The following TDRD5 variants were observed in gnomAD, a reference collection of about 807,000 sequenced individuals.
TDRD5 encodes the protein tudor domain containing 5.
A neutral mutation model predicts 120.6 loss-of-function variants in TDRD5; 41 were observed. That is an observed-to-expected ratio of 0.34 (90% CI 0.26 to 0.44). The LOEUF (loss-of-function observed/expected upper bound fraction) is 0.44. Ranked by LOEUF, TDRD5 falls within the 20% of genes least tolerant of loss-of-function variation. TDRD5 has a pLI of 1.00. For synonymous variants in TDRD5, 430 were observed against 433.7 expected (o/e 0.99, Z 0.11); for missense variants, 1,006 against 1,221.2 (o/e 0.82, Z 2.63).
At chr1:179,657,983 CTT>C (rs944784843) in intron 14 of TDRD5, among the ~76,000 whole-genome samples, 6 of 152,086 alleles carry the variant, frequency 3.9e-5, no homozygotes, top group African/African-American at 1.2e-4. Context: ...ATTTTGTGTC[CTT>C]TGACCAACAT....
chr1:179,592,823 G>A lies in TDRD5; in HGVS notation c.208G>A (p.Ala70Thr). ...TGATGTTGTTCGTGTCTGCCCCGGTGCAGGTGGTACTGTAATACTGAAAGG... is the reference window on the plus strand; with the variant it reads ...TGATGTTGTTCGTGTCTGCCCCGGTACAGGTGGTACTGTAATACTGAAAGG... ...MPDVVRVCPG[A>T]GGTVILKAIP... The change falls in exon 2 of 18, where the codon GCA (alanine) becomes ACA (threonine). Residue 70 changes from alanine to threonine, a missense_variant. This residue lies in a region of TDRD5 where 445 missense variants were observed against 515.5 expected (regional missense o/e 0.86). Transcript: ENST00000444136. 1 of 1,614,188 alleles carries A rather than the reference G, an allele frequency of 6.2e-7. No individual in the cohort carries two copies. Among genetic ancestry groups the A allele is most frequent in the Non-Finnish European group, 8.5e-7 (1 of 1,180,032 alleles).
intron 15 of TDRD5, 100 bp from the exon 16 acceptor site, chr1:179,663,248 A>T (rs1679401168): frequency 7.4e-7 from 1 of 1,351,738 alleles, no homozygotes; most frequent in African/African-American, 1.5e-5. Flanking sequence ...CTTTTTTAAA[A>T]ATATGTATTG....
At chr1:179,663,238 C>A (rs757230595) in intron 15 of TDRD5, 110 bp from the exon 16 acceptor site, 5 of 1,280,714 alleles carry the variant, frequency 3.9e-6, no homozygotes, top group East Asian at 4.9e-5. Flanking sequence ...TAATAAATAC[C>A]TTTTTTAAAA....
rs370334679 is a variant in TDRD5, at chr1:179,629,865, C to T, written c.973-902C>T. On this transcript the variant is annotated intron_variant, in intron 6 of 17. Coordinates refer to ENST00000444136, the MANE Select transcript of TDRD5 (RefSeq NM_001199085.3). ...AGGAATGTATTTTATGTGTCTATCC[C>T]ATATATATTGTCTTCTGTCTTCATT... Among the ~76,000 whole-genome samples the T allele has an allele frequency of 3.3e-5, 5 of 152,028 alleles. No individual in the cohort carries two copies. In the East Asian group the frequency reaches 5.8e-4, roughly 18 times the overall value.
chr1:179,675,393 C>G (rs1363020799), intron 17 of TDRD5, among the ~76,000 whole-genome samples: 1 of 146,426 alleles, frequency 6.8e-6, no homozygotes. Context: ...CATTCTCCTG[C>G]CTCAGCCTCC....
chr1:179,614,441 C>A (rs1410701721), intron 4 of TDRD5, among the ~76,000 whole-genome samples: 2 of 152,092 alleles, frequency 1.3e-5, no homozygotes, highest in East Asian at 3.8e-4. Flanking sequence ...TTAAAAATAA[C>A]CTTATGATGA....
chr1:179,605,070 T>C (rs957093697), intron 4 of TDRD5, among the ~76,000 whole-genome samples: 1 of 152,188 alleles, frequency 6.6e-6, no homozygotes, highest in African/African-American at 2.4e-5. Context: ...TAGGTGCATA[T>C]ATGTTTAGGA....
At chr1:179,685,378 C>G (rs1019626070) in intron 17 of TDRD5, among the ~76,000 whole-genome samples, 1 of 152,058 alleles carries the variant, frequency 6.6e-6, no homozygotes, top group African/African-American at 2.4e-5. Flanking sequence ...ATTTCTGAGG[C>G]CTCTGTTCTG....
chr1:179,608,084 C>T (rs1352124241), intron 4 of TDRD5, among the ~76,000 whole-genome samples: 3 of 151,830 alleles, frequency 2.0e-5, no homozygotes, highest in African/African-American at 7.3e-5. Flanking sequence ...ATAGTTTTTG[C>T]CCCCTTTTAG....
chr1:179,640,191 A>T, intron 10 of TDRD5, 140 bp downstream of exon 10: 2 of 1,091,198 alleles, frequency 1.8e-6, no homozygotes, highest in Non-Finnish European at 2.7e-6. Context: ...ATATTTGACA[A>T]CTGGGTCATT....
intron 17 of TDRD5, among the ~76,000 whole-genome samples, chr1:179,672,056 A>G (rs1311372446): frequency 6.7e-6 from 1 of 150,112 alleles, no homozygotes; most frequent in Non-Finnish European, 1.5e-5. Context: ...TGTTTTTACC[A>G]TTACAAATTG....
At chr1:179,659,300 T>A (rs145555487) in intron 14 of TDRD5, among the ~76,000 whole-genome samples, 14 of 152,200 alleles carry the variant, frequency 9.2e-5, no homozygotes, top group African/African-American at 2.9e-4. Context: ...ATCTACCGAT[T>A]TTGTTGATTA....
intron 6 of TDRD5, 97 bp from the exon 7 acceptor site, chr1:179,630,669 AC>A: frequency 7.9e-7 from 1 of 1,265,946 alleles, no homozygotes; most frequent in South Asian, 1.6e-5. Flanking sequence ...GAGTTCATTG[AC>A]CCTTTAAGAT....
chr1:179,667,672 C>T (rs1261832407), intron 16 of TDRD5, among the ~76,000 whole-genome samples: 2 of 152,158 alleles, frequency 1.3e-5, no homozygotes, highest in Non-Finnish European at 2.9e-5. Flanking sequence ...TTCAAGTATA[C>T]ATGTGAATTG....
chr1:179,651,900 G>A (rs1053509281), intron 12 of TDRD5, 139 bp from the exon 13 acceptor site: 174 of 965,058 alleles, frequency 1.8e-4, no homozygotes, highest in Middle Eastern at 3.3e-4. Context: ...GCAACAGAGC[G>A]AGACTCCATC....
chr1:179,628,516 G>C (rs930728223), intron 6 of TDRD5, among the ~76,000 whole-genome samples: 1 of 150,016 alleles, frequency 6.7e-6, no homozygotes, highest in Non-Finnish European at 1.5e-5. Flanking sequence ...ATATTGCCCA[G>C]GCTGGTCTCT....
At chr1:179,597,060 A>C (rs1675432470) in intron 4 of TDRD5, among the ~76,000 whole-genome samples, 1 of 152,156 alleles carries the variant, frequency 6.6e-6, no homozygotes, top group Non-Finnish European at 1.5e-5. Context: ...GATAATGTTG[A>C]GCATCTTTTC....
chr1:179,672,878 T>C (rs1679928992), intron 17 of TDRD5, among the ~76,000 whole-genome samples: 1 of 152,176 alleles, frequency 6.6e-6, no homozygotes, highest in African/African-American at 2.4e-5. Context: ...TATGTTTTTG[T>C]TTGCTTTGTC....
At chr1:179,628,147 G>C (rs1449751359) in intron 6 of TDRD5, among the ~76,000 whole-genome samples, 1 of 152,036 alleles carries the variant, frequency 6.6e-6, no homozygotes, top group African/African-American at 2.4e-5. Context: ...TGTTTGTACT[G>C]CAAGATTGTC....
Sources: gnomAD v4.1 joint callset for allele counts (sites outside exome capture counted in the v4.1 genomes callset) on GRCh38, gnomAD v4.1.1 for gene constraint, gnomAD v4.1.1 regional missense constraint, MANE v1.5 for transcripts, NCBI Gene and HGNC (gene_info 2026-07-23, HGNC 2026-07-21) for gene names.